WDR7: variants seen among roughly 807,000 people sequenced by gnomAD.
WDR7 encodes the protein WD repeat domain 7.
WDR7 carries 46 observed loss-of-function variants against 169.4 expected under a neutral mutation model. That is an observed-to-expected ratio of 0.27 (90% CI 0.21 to 0.35). WDR7 has a LOEUF of 0.35. Ranked by LOEUF, WDR7 falls within the 10% of genes least tolerant of loss-of-function variation. The pLI, the probability that WDR7 is intolerant of heterozygous loss-of-function variation, is 1.00. For missense variants in WDR7, 1,534 were observed against 1,859.3 expected (o/e 0.83, Z 3.22); for synonymous variants, 612 against 666.8 (o/e 0.92, Z 1.27).
intron 19 of WDR7, among the ~76,000 whole-genome samples, chr18:56,799,544 TTACAGTACAGTA>T (rs963576205): frequency 6.6e-6 from 1 of 152,156 alleles, no homozygotes; most frequent in Non-Finnish European, 1.5e-5. Context: ...ACTAACATAT[TTACAGTACAGTA>T]GTACTGTTTG....
intron 16 of WDR7, among the ~76,000 whole-genome samples, chr18:56,764,549 G>C (rs2044031855): frequency 6.6e-6 from 1 of 151,986 alleles, no homozygotes; most frequent in African/African-American, 2.4e-5. Context: ...TGTGTGTTGA[G>C]AACACTTAAA....
At chr18:56,692,701 T>TA (rs375204026) in intron 9 of WDR7, among the ~76,000 whole-genome samples, 4 of 152,036 alleles carry the variant, frequency 2.6e-5, no homozygotes, top group African/African-American at 9.6e-5. Context: ...GTATAAAAAA[T>TA]ATACATAAGC....
intron 20 of WDR7, among the ~76,000 whole-genome samples, chr18:56,871,994 C>G (rs1381467103): frequency 6.6e-6 from 1 of 151,992 alleles, no homozygotes; most frequent in Non-Finnish European, 1.5e-5. Context: ...GGTCAAAGCA[C>G]AGTTCTGAAA....
rs184309496 is a variant in WDR7 at position 56,927,621 on chromosome 18, A to G, written c.3713+3513A>G. On this transcript the variant is annotated intron_variant, in intron 22 of 27. Transcript: ENST00000254442. ...AGTGAGACCCGACTCTTAAAAAAAA[A>G]TAGAGTATTTTTCCAGAATTGGTTA... 2.9e-3 allele frequency among the ~76,000 whole-genome samples: 435 copies of G among 152,256 alleles called. 6 individuals carry two copies. The highest frequency in any genetic ancestry group is 0.026 in the Admixed American group (399 of 15,302).
chr18:56,724,890 G>A (rs1273297444), intron 13 of WDR7, among the ~76,000 whole-genome samples: 1 of 152,088 alleles, frequency 6.6e-6, no homozygotes, highest in African/African-American at 2.4e-5. Context: ...ACCTATGAGT[G>A]AGAACATGCG....
intron 19 of WDR7, among the ~76,000 whole-genome samples, chr18:56,790,913 T>G (rs117516395): frequency 0.013 from 1,938 of 152,286 alleles, 17 homozygotes; most frequent in East Asian, 0.031. Flanking sequence ...AGATTGAGAT[T>G]GATCTGGTTT....
intron 13 of WDR7, among the ~76,000 whole-genome samples, chr18:56,725,022 A>C (rs1415460854): frequency 6.6e-6 from 1 of 151,814 alleles, no homozygotes; most frequent in Non-Finnish European, 1.5e-5. Flanking sequence ...CATGGTGTAT[A>C]TGTGCCACAT....
intron 17 of WDR7, among the ~76,000 whole-genome samples, chr18:56,777,480 C>T (rs111839574): frequency 0.014 from 2,068 of 152,110 alleles, 45 homozygotes; most frequent in African/African-American, 0.047. Flanking sequence ...TTACACAAGT[C>T]GAAAGTATTT....
chr18:56,883,766 G>A (rs967773685), intron 21 of WDR7, among the ~76,000 whole-genome samples: 1 of 152,020 alleles, frequency 6.6e-6, no homozygotes, highest in African/African-American at 2.4e-5. Flanking sequence ...ACGATGTTTG[G>A]TTTTCTATTC....
intron 9 of WDR7, 132 bp downstream of exon 9, chr18:56,691,949 G>A: frequency 1.7e-6 from 1 of 597,546 alleles, no homozygotes; most frequent in Non-Finnish European, 2.7e-6. Flanking sequence ...AAAACATTTT[G>A]AGATGGTCAG....
chr18:57,007,805 C>T (rs940404211), intron 26 of WDR7, among the ~76,000 whole-genome samples: 6 of 152,114 alleles, frequency 3.9e-5, no homozygotes, highest in Admixed American at 6.5e-5. Flanking sequence ...TGTCTCCTGT[C>T]GTTTTATCCT....
At chr18:56,719,356 G>A (rs546691189) in intron 13 of WDR7, among the ~76,000 whole-genome samples, 1 of 152,224 alleles carries the variant, frequency 6.6e-6, no homozygotes, top group African/African-American at 2.4e-5. Context: ...GAGGTCAGGA[G>A]ATCAAGACCA....
At chr18:56,700,565 CTT>C (rs71169389) in intron 12 of WDR7, among the ~76,000 whole-genome samples, 28 of 115,830 alleles carry the variant, frequency 2.4e-4, no homozygotes, top group African/African-American at 8.0e-4. Context: ...AATATTGTTT[CTT>C]TTTTTTTTTT....
chr18:56,798,099 T>G (rs987709810), intron 19 of WDR7, among the ~76,000 whole-genome samples: 4 of 152,232 alleles, frequency 2.6e-5, no homozygotes, highest in African/African-American at 9.6e-5. Context: ...AATATTTCCC[T>G]GGTTAAAAGC....
chr18:56,876,961 T>A (rs2046031781), intron 20 of WDR7, among the ~76,000 whole-genome samples: 1 of 152,164 alleles, frequency 6.6e-6, no homozygotes, highest in Admixed American at 6.5e-5. Flanking sequence ...GGCAGGAAGA[T>A]CACTTGTGGC....
At chr18:56,857,984 C>G (rs2045748405) in intron 20 of WDR7, among the ~76,000 whole-genome samples, 1 of 152,126 alleles carries the variant, frequency 6.6e-6, no homozygotes, top group South Asian at 2.1e-4. Context: ...CCCCTCCTCT[C>G]TTCTTTTCCT....
intron 20 of WDR7, among the ~76,000 whole-genome samples, chr18:56,851,692 T>G (rs188645087): frequency 2.2e-4 from 33 of 152,296 alleles, no homozygotes; most frequent in Non-Finnish European, 3.7e-4. Context: ...ATACAAAATG[T>G]CAGGGTTATG....
intron 26 of WDR7, among the ~76,000 whole-genome samples, chr18:56,983,386 T>A (rs1016518273): frequency 6.6e-6 from 1 of 152,204 alleles, no homozygotes; most frequent in African/African-American, 2.4e-5. Context: ...AGTACTCAGT[T>A]TTGTTGTCAT....
intron 22 of WDR7, among the ~76,000 whole-genome samples, chr18:56,929,914 A>G (rs1274360320): frequency 6.6e-6 from 1 of 152,212 alleles, no homozygotes; most frequent in East Asian, 1.9e-4. Flanking sequence ...AAATCCCACT[A>G]TACTAAGGAG....
Sources: allele counts gnomAD v4.1 joint callset (sites outside exome capture counted in the v4.1 genomes callset), GRCh38; gene constraint gnomAD v4.1.1; transcripts MANE v1.5; gene names NCBI Gene and HGNC (gene_info 2026-07-23, HGNC 2026-07-21).